Variants in EXT1 observed in about 807,000 individuals in gnomAD.
EXT1 encodes exostosin glycosyltransferase 1.
In EXT1, 20 loss-of-function variants were observed where a neutral mutation model predicts 82.5. The ratio of observed to expected loss-of-function variants is 0.24; its 90% confidence interval spans 0.17 to 0.35. The LOEUF (loss-of-function observed/expected upper bound fraction) is 0.35, where lower values mean the gene tolerates loss of function less well. Ranked by LOEUF, EXT1 falls within the 10% of genes least tolerant of loss-of-function variation. The pLI, the probability that EXT1 is intolerant of heterozygous loss-of-function variation, is 1.00. For synonymous variants in EXT1, 348 were observed against 350.8 expected (o/e 0.99, Z 0.09); for missense variants, 757 against 936.5 (o/e 0.81, Z 2.50).
intron 1 of EXT1, among the ~76,000 whole-genome samples, chr8:117,952,493 C>T (rs1201403651): frequency 6.6e-6 from 1 of 152,140 alleles, no homozygotes; most frequent in Non-Finnish European, 1.5e-5. Flanking sequence ...AGACACCAGG[C>T]GCAGTGTCTC....
chr8:118,018,666 T>C (rs1816046421), intron 1 of EXT1, among the ~76,000 whole-genome samples: 1 of 152,178 alleles, frequency 6.6e-6, no homozygotes, highest in Non-Finnish European at 1.5e-5. Context: ...ACATTGAGAG[T>C]TATCTTCCAG....
At chr8:117,822,442 C>T in intron 5 of EXT1, 23 bp downstream of exon 5, 1 of 1,611,758 alleles carries the variant, frequency 6.2e-7, no homozygotes, top group African/African-American at 1.3e-5. Flanking sequence ...ACAAGGGCAA[C>T]TCCCTGGAGG....
chr8:117,814,239 G>A (rs17474358), intron 7 of EXT1, among the ~76,000 whole-genome samples: 1 of 120,568 alleles, frequency 8.3e-6, no homozygotes, highest in African/African-American at 3.1e-5. Flanking sequence ...ACAGTGGTGT[G>A]TGTGTGTGTG....
At chr8:117,832,343 G>A (rs1158444758) in intron 3 of EXT1, among the ~76,000 whole-genome samples, 2 of 152,058 alleles carry the variant, frequency 1.3e-5, no homozygotes, top group African/African-American at 2.4e-5. Context: ...GGCCAATATG[G>A]TGAAACCCCA....
intron 1 of EXT1, among the ~76,000 whole-genome samples, chr8:118,000,035 ACAG>A (rs1815629147): frequency 6.6e-6 from 1 of 152,250 alleles, no homozygotes; most frequent in East Asian, 1.9e-4. Flanking sequence ...ACACACACAC[ACAG>A]TTTATTTTTT....
chr8:118,074,006 C>G (rs1483334658), intron 1 of EXT1, among the ~76,000 whole-genome samples: 2 of 152,038 alleles, frequency 1.3e-5, no homozygotes, highest in African/African-American at 4.8e-5. Context: ...CTCTCCCAGC[C>G]TCACCTTTCA....
At chr8:117,926,508 T>C (rs1047752147) in intron 1 of EXT1, among the ~76,000 whole-genome samples, 2 of 152,212 alleles carry the variant, frequency 1.3e-5, no homozygotes, top group African/African-American at 2.4e-5. Context: ...GAGTCATGGC[T>C]AGAAGTGGGA....
Position 117,997,866 on chromosome 8 carries a change from C to T in EXT1, c.962+112219G>A, listed in dbSNP as rs80315140. Reference sequence around the variant, plus strand: ...CCAAGGAACCCCCAAGATGCCTCATCCCCAGTGAATCACCCTGACTGAGCA... The same window carrying T: ...CCAAGGAACCCCCAAGATGCCTCATTCCCAGTGAATCACCCTGACTGAGCA... On this transcript the variant is annotated intron_variant, in intron 1 of 10. Transcript: ENST00000378204. 4.2e-3 allele frequency among the ~76,000 whole-genome samples: 636 copies of T among 152,230 alleles called. 4 individuals carry two copies. The highest frequency in any genetic ancestry group is 0.015 in the African/African-American group (603 of 41,540).
intron 1 of EXT1, among the ~76,000 whole-genome samples, chr8:117,930,987 C>T (rs758746648): frequency 1.3e-5 from 2 of 152,202 alleles, no homozygotes; most frequent in Non-Finnish European, 1.5e-5. Context: ...TTTACAGATG[C>T]CATGGCAATG....
intron 1 of EXT1, among the ~76,000 whole-genome samples, chr8:118,041,776 G>A (rs944386900): frequency 1.3e-5 from 2 of 151,916 alleles, no homozygotes; most frequent in Admixed American, 6.6e-5. Flanking sequence ...GCGAAACCCT[G>A]TCTCTACTAA....
chr8:117,933,074 C>T (rs1814091524), intron 1 of EXT1, among the ~76,000 whole-genome samples: 1 of 152,122 alleles, frequency 6.6e-6, no homozygotes, highest in Non-Finnish European at 1.5e-5. Context: ...ATGTTCTTCC[C>T]CAAACCTCCC....
intron 1 of EXT1, among the ~76,000 whole-genome samples, chr8:118,004,663 T>C (rs17453672): frequency 0.019 from 2,948 of 152,326 alleles, 39 homozygotes; most frequent in Middle Eastern, 0.031. Flanking sequence ...ACTTCCTGAG[T>C]ATTCCAGTCT....
chr8:117,812,074 AAGAC>A (rs1000861395), intron 8 of EXT1, among the ~76,000 whole-genome samples: 1 of 127,556 alleles, frequency 7.8e-6, no homozygotes, highest in African/African-American at 2.7e-5. Flanking sequence ...AAAAGGAAAA[AAGAC>A]AGGGAGAGGG....
chr8:117,886,455 C>A (rs1431093105), intron 1 of EXT1, among the ~76,000 whole-genome samples: 1 of 152,106 alleles, frequency 6.6e-6, no homozygotes. Flanking sequence ...CTGCTATGTC[C>A]CCCAAATATA....
intron 1 of EXT1, among the ~76,000 whole-genome samples, chr8:117,968,209 G>A (rs533118167): frequency 2.6e-5 from 4 of 152,050 alleles, no homozygotes; most frequent in African/African-American, 7.2e-5. Flanking sequence ...GGGCCCAAGC[G>A]ATCCTCCCAC....
intron 1 of EXT1, among the ~76,000 whole-genome samples, chr8:117,987,096 A>G (rs1387684018): frequency 6.6e-6 from 1 of 152,248 alleles, no homozygotes; most frequent in Non-Finnish European, 1.5e-5. Context: ...CTTATGGTCG[A>G]AAATTTCTCT....
chr8:117,881,264 T>C (rs546266344), intron 1 of EXT1, among the ~76,000 whole-genome samples: 9 of 152,158 alleles, frequency 5.9e-5, no homozygotes, highest in Non-Finnish European at 1.3e-4. Flanking sequence ...GCAATAGAAA[T>C]GGTGAGGCCT....
intron 1 of EXT1, among the ~76,000 whole-genome samples, chr8:117,846,107 T>C (rs182430329): frequency 1.3e-5 from 2 of 152,102 alleles, no homozygotes; most frequent in African/African-American, 2.4e-5. Flanking sequence ...ACCAGCTTTT[T>C]CTTTTTTCCC....
At chr8:118,068,153 A>C (rs1373724369) in intron 1 of EXT1, among the ~76,000 whole-genome samples, 1 of 152,260 alleles carries the variant, frequency 6.6e-6, no homozygotes, top group Non-Finnish European at 1.5e-5. Context: ...GTGTGGCCAC[A>C]GAGCTTACAG....
Sources: gnomAD v4.1 joint callset for allele counts (sites outside exome capture counted in the v4.1 genomes callset) on GRCh38, gnomAD v4.1.1 for gene constraint, MANE v1.5 for transcripts, NCBI Gene and HGNC (gene_info 2026-07-23, HGNC 2026-07-21) for gene names.